CCDC6: variants seen among roughly 807,000 people sequenced by gnomAD.
CCDC6 encodes coiled-coil domain-containing protein 6.
Under a neutral mutation model 56.6 loss-of-function variants are expected in CCDC6, and 20 were observed. The ratio of observed to expected loss-of-function variants is 0.35; its 90% CI spans 0.25 to 0.51. CCDC6 has a LOEUF of 0.51. Among genes scored for constraint, CCDC6 ranks in the 20% least tolerant of loss-of-function variants. The probability of loss-of-function intolerance (pLI) is 0.95; values close to 1 mark genes in which losing one functional copy is unlikely to be tolerated. For missense variants in CCDC6, 367 were observed against 601.1 expected (o/e 0.61, Z 4.07); for synonymous variants, 241 against 234.4 (o/e 1.03, Z -0.26).
intron 1 of CCDC6, among the ~76,000 whole-genome samples, chr10:59,904,867 C>T (rs978933935): frequency 2.0e-5 from 3 of 152,196 alleles, no homozygotes; most frequent in Non-Finnish European, 4.4e-5. Context: ...GGTGTACACA[C>T]GCGTGCGCAC....
chr10:59,796,898 G>C (rs2070524675), intron 7 of CCDC6, among the ~76,000 whole-genome samples: 1 of 151,664 alleles, frequency 6.6e-6, no homozygotes, highest in African/African-American at 2.4e-5. Context: ...ATGAACTCGG[G>C]AGGCGGAGCT....
chr10:59,875,543 C>T (rs943671919), intron 1 of CCDC6, among the ~76,000 whole-genome samples: 2 of 152,158 alleles, frequency 1.3e-5, no homozygotes, highest in African/African-American at 4.8e-5. Flanking sequence ...ACAGTTGGCA[C>T]CTCAAGCACT....
Position 59,822,247 on chromosome 10 carries a change from A to G in CCDC6, c.583-7492T>C, listed in dbSNP as rs1292792393. Among the ~76,000 whole-genome samples the G allele has an allele frequency of 2.0e-5, 3 of 152,358 alleles. No individual in the cohort carries two copies. In the East Asian group the frequency reaches 5.8e-4, roughly 29 times the overall value. ...ACAACATTAATATGCCATTATTAAC[A>G]TGAAAATGACACTATTTCATAACTT... On this transcript the variant is annotated intron_variant, in intron 3 of 8. Transcript: ENST00000263102.
At chr10:59,806,221 G>A (rs2070620872) in intron 6 of CCDC6, among the ~76,000 whole-genome samples, 1 of 152,164 alleles carries the variant, frequency 6.6e-6, no homozygotes, top group South Asian at 2.1e-4. Context: ...ATACTTGTTT[G>A]TTATCTTACC....
chr10:59,880,799 A>C (rs529292962), intron 1 of CCDC6, among the ~76,000 whole-genome samples: 1 of 152,082 alleles, frequency 6.6e-6, no homozygotes, highest in Non-Finnish European at 1.5e-5. Context: ...AATGAGGATA[A>C]CTCTTATACT....
chr10:59,842,707 T>C (rs2070950409), intron 2 of CCDC6, among the ~76,000 whole-genome samples: 1 of 152,090 alleles, frequency 6.6e-6, no homozygotes, highest in Non-Finnish European at 1.5e-5. Context: ...CCTTAAAATA[T>C]GTTGGGGACC....
chr10:59,801,468 A>G (rs937245485), intron 7 of CCDC6, among the ~76,000 whole-genome samples: 6 of 152,088 alleles, frequency 3.9e-5, no homozygotes, highest in African/African-American at 1.2e-4. Flanking sequence ...TCTTGGTGAA[A>G]TTCTTTGCCT....
chr10:59,874,785 T>G (rs947557602), intron 1 of CCDC6, among the ~76,000 whole-genome samples: 2 of 152,140 alleles, frequency 1.3e-5, no homozygotes, highest in African/African-American at 4.8e-5. Flanking sequence ...ATTGCTGGGT[T>G]TGAGGATGAG....
chr10:59,899,204 A>G (rs1223563590), intron 1 of CCDC6, among the ~76,000 whole-genome samples: 1 of 152,208 alleles, frequency 6.6e-6, no homozygotes, highest in Non-Finnish European at 1.5e-5. Context: ...GAAAATTGCA[A>G]CCATCACCAA....
At chr10:59,884,643 A>G (rs547027365) in intron 1 of CCDC6, among the ~76,000 whole-genome samples, 38 of 123,282 alleles carry the variant, frequency 3.1e-4, no homozygotes, top group Admixed American at 2.2e-3. Context: ...TGAGATGTGT[A>G]AAGTAGAAAA....
At chr10:59,892,194 AT>A (rs2071427028) in intron 1 of CCDC6, among the ~76,000 whole-genome samples, 1 of 152,252 alleles carries the variant, frequency 6.6e-6, no homozygotes, top group Admixed American at 6.5e-5. Flanking sequence ...AAAAGTCTCT[AT>A]CAGAGAGGCC....
intron 1 of CCDC6, among the ~76,000 whole-genome samples, chr10:59,882,802 C>T (rs1303948470): frequency 1.3e-5 from 2 of 151,946 alleles, no homozygotes; most frequent in Non-Finnish European, 2.9e-5. Context: ...CTAGTAAAAA[C>T]ACAAAAAATT....
At chr10:59,904,828 C>T (rs532533093) in intron 1 of CCDC6, among the ~76,000 whole-genome samples, 2 of 152,346 alleles carry the variant, frequency 1.3e-5, no homozygotes, top group South Asian at 4.1e-4. Flanking sequence ...AGAATGCCAT[C>T]TAGTTCTCAT....
intron 1 of CCDC6, among the ~76,000 whole-genome samples, chr10:59,894,086 A>G (rs1437670191): frequency 6.6e-6 from 1 of 152,224 alleles, no homozygotes; most frequent in Non-Finnish European, 1.5e-5. Context: ...GTTATCATGG[A>G]ATAAGACAGG....
intron 5 of CCDC6, among the ~76,000 whole-genome samples, chr10:59,811,082 T>C (rs4948366): frequency 0.51 from 77,330 of 151,988 alleles, 21,118 homozygotes; most frequent in African/African-American, 0.73. Flanking sequence ...TCCAGAAGGA[T>C]GGCTGCCCTG....
chr10:59,818,341 G>A (rs530386624), intron 3 of CCDC6, among the ~76,000 whole-genome samples: 123 of 152,132 alleles, frequency 8.1e-4, no homozygotes, highest in Middle Eastern at 6.8e-3. Flanking sequence ...GCAAACGTGG[G>A]CACCCTGAGT....
intron 1 of CCDC6, among the ~76,000 whole-genome samples, chr10:59,883,404 G>A (rs897373217): frequency 2.6e-5 from 4 of 152,102 alleles, no homozygotes; most frequent in South Asian, 2.1e-4. Context: ...GACGTACTCC[G>A]ATGTCCCTGA....
intron 7 of CCDC6, among the ~76,000 whole-genome samples, chr10:59,801,192 G>GAA (rs201045048): frequency 6.7e-6 from 1 of 148,428 alleles, no homozygotes. Context: ...TTTGGCTAAA[G>GAA]AAAAAAAAAA....
At chr10:59,902,441 T>A (rs2071510697) in intron 1 of CCDC6, among the ~76,000 whole-genome samples, 1 of 138,500 alleles carries the variant, frequency 7.2e-6, no homozygotes. Context: ...TCACCCAGAC[T>A]GGAGTGCAGT....
Sources: allele counts gnomAD v4.1 joint callset (sites outside exome capture counted in the v4.1 genomes callset), GRCh38; gene constraint gnomAD v4.1.1; transcripts MANE v1.5; gene names NCBI Gene and HGNC (gene_info 2026-07-23, HGNC 2026-07-21).